Variants in ADAM12 observed in about 807,000 individuals in gnomAD.
The protein encoded by ADAM12 is disintegrin and metalloproteinase domain-containing protein 12.
A neutral mutation model predicts 106.4 loss-of-function variants in ADAM12; 70 were observed. The observed-to-expected ratio is 0.66, with a 90% CI of 0.54 to 0.80. The LOEUF (loss-of-function observed/expected upper bound fraction) is 0.80. ADAM12 is among the 30% of genes least tolerant of loss of function. ADAM12 has a pLI of 0.00. For missense variants in ADAM12, 1,010 were observed against 1,171.9 expected (o/e 0.86, Z 2.02); for synonymous variants, 420 against 433.5 (o/e 0.97, Z 0.39).
intron 3 of ADAM12, among the ~76,000 whole-genome samples, chr10:126,194,601 C>T (rs1310890575): frequency 6.6e-6 from 1 of 152,272 alleles, no homozygotes; most frequent in South Asian, 2.1e-4. Flanking sequence ...ATGTGTATAA[C>T]ACACCAATCA....
intron 3 of ADAM12, among the ~76,000 whole-genome samples, chr10:126,182,610 G>C (rs1038775938): frequency 6.6e-6 from 1 of 152,200 alleles, no homozygotes; most frequent in Admixed American, 6.5e-5. Flanking sequence ...GAGAGAGAGA[G>C]AGCCTGTGCC....
intron 4 of ADAM12, among the ~76,000 whole-genome samples, chr10:126,144,389 G>A (rs1006080225): frequency 1.3e-5 from 2 of 152,152 alleles, no homozygotes; most frequent in Admixed American, 1.3e-4. Context: ...TCTGGAATAC[G>A]AACATAAATA....
rs565732026 is a variant in ADAM12, at chr10:126,363,044, G to T, written c.88+25014C>A. The stretch of plus-strand genomic sequence containing the variant: ...TTTATAAATCATAACATCAATTTGG[G>T]CCCCATATAATTTGTCAACTCATAA... On this transcript the variant is annotated intron_variant, in intron 1 of 22. Transcript: ENST00000448723. Among the ~76,000 whole-genome samples, 355 of 151,964 alleles carry T rather than the reference G, an allele frequency of 2.3e-3. 7 individuals are homozygous for T. In the South Asian group the frequency reaches 0.024, roughly 10 times the overall value.
chr10:126,224,791 G>T (rs1958160596), intron 3 of ADAM12, among the ~76,000 whole-genome samples: 1 of 152,246 alleles, frequency 6.6e-6, no homozygotes, highest in African/African-American at 2.4e-5. Context: ...AGCAGGAAGG[G>T]ACACAGGAGA....
At chr10:126,035,952 ACT>A (rs1331975991) in intron 21 of ADAM12, among the ~76,000 whole-genome samples, 192 bp downstream of exon 21, 6 of 140,136 alleles carry the variant, frequency 4.3e-5, no homozygotes, top group African/African-American at 1.5e-4. Context: ...AATATATGAC[ACT>A]CTTATTATTA....
intron 3 of ADAM12, among the ~76,000 whole-genome samples, chr10:126,162,682 A>G (rs950661869): frequency 1.3e-5 from 2 of 152,296 alleles, no homozygotes; most frequent in Admixed American, 1.3e-4. Context: ...GCGTCCATAC[A>G]GAGCACCAGG....
intron 4 of ADAM12, among the ~76,000 whole-genome samples, chr10:126,136,155 A>G (rs1956402621): frequency 1.3e-5 from 2 of 152,234 alleles, no homozygotes; most frequent in Non-Finnish European, 2.9e-5. Flanking sequence ...GAATTACCCA[A>G]TTGAGAGCTG....
intron 2 of ADAM12, among the ~76,000 whole-genome samples, chr10:126,296,023 G>C (rs747705969): frequency 2.6e-4 from 39 of 152,096 alleles, no homozygotes; most frequent in Admixed American, 5.2e-4. Flanking sequence ...GTTCTGGCAG[G>C]AACAGTCCAT....
At chr10:126,197,600 A>G (rs1469870938) in intron 3 of ADAM12, among the ~76,000 whole-genome samples, 1 of 152,242 alleles carries the variant, frequency 6.6e-6, no homozygotes, top group East Asian at 1.9e-4. Context: ...TGGGAACTAA[A>G]TGACTGATTT....
chr10:126,313,429 C>T (rs1413193705), intron 2 of ADAM12, among the ~76,000 whole-genome samples: 1 of 152,152 alleles, frequency 6.6e-6, no homozygotes, highest in Non-Finnish European at 1.5e-5. Context: ...TATCACAAAG[C>T]CCTTGAATTT....
chr10:126,225,480 G>A (rs958204593), intron 3 of ADAM12, among the ~76,000 whole-genome samples: 1 of 152,188 alleles, frequency 6.6e-6, no homozygotes, highest in African/African-American at 2.4e-5. Context: ...CAGAGCTTCC[G>A]TCATCCATGC....
At chr10:126,203,912 G>T (rs2133824243) in intron 3 of ADAM12, among the ~76,000 whole-genome samples, 1 of 148,632 alleles carries the variant, frequency 6.7e-6, no homozygotes, top group Non-Finnish European at 1.5e-5. Context: ...GAGAAATCAA[G>T]CAAATCAGAG....
At chr10:126,089,067 T>C (rs1476496164) in intron 11 of ADAM12, among the ~76,000 whole-genome samples, 1 of 152,062 alleles carries the variant, frequency 6.6e-6, no homozygotes, top group Non-Finnish European at 1.5e-5. Flanking sequence ...CAACTCCCAG[T>C]TGGCAGCTGG....
chr10:126,050,683 T>G (rs925691877), intron 14 of ADAM12, among the ~76,000 whole-genome samples: 1 of 152,204 alleles, frequency 6.6e-6, no homozygotes, highest in Non-Finnish European at 1.5e-5. Context: ...ACAGAAGATG[T>G]TCTTCTTACT....
At chr10:126,142,743 C>G (rs1956536483) in intron 4 of ADAM12, among the ~76,000 whole-genome samples, 1 of 152,226 alleles carries the variant, frequency 6.6e-6, no homozygotes, top group Non-Finnish European at 1.5e-5. Flanking sequence ...TACAGTGTCA[C>G]TCATGGCATC....
chr10:126,226,763 C>T (rs899406397), intron 3 of ADAM12, among the ~76,000 whole-genome samples: 7 of 152,032 alleles, frequency 4.6e-5, no homozygotes, highest in East Asian at 1.9e-4. Flanking sequence ...ATTTACTGAG[C>T]GATTACTATG....
chr10:126,040,631 G>A (rs945993568), intron 18 of ADAM12, among the ~76,000 whole-genome samples: 1 of 152,182 alleles, frequency 6.6e-6, no homozygotes, highest in Admixed American at 6.5e-5. Context: ...TGGGCAAAAT[G>A]TCACTCTTTT....
At position 126,066,584 on chromosome 10, in the gene ADAM12, T is replaced by G; in HGVS notation, c.1413+133A>C. On this transcript the variant is annotated intron_variant, in intron 13 of 22. Coordinates refer to ENST00000448723, the MANE Select transcript of ADAM12 (RefSeq NM_001288973.2). This position sits in a 1 kb window ranked among gnomAD's most constrained non-coding sequence, Gnocchi z 5.1. ...AAGAGGTGGGTAACACCAACTGGCG[T>G]GAGAAGGAGGGATGGTGCGTGCTGT... 6.4e-6 allele frequency: 5 copies of G among 782,294 alleles called. No homozygotes were observed. The highest frequency in any genetic ancestry group is 8.5e-6 in the Non-Finnish European group (4 of 470,392). The allele number at this position is 782,294 out of a possible 1,614,324, so 48.5% of individuals were successfully genotyped here.
At chr10:126,108,776 T>C in intron 7 of ADAM12, 112 bp from the exon 8 acceptor site, 1 of 918,348 alleles carries the variant, frequency 1.1e-6, no homozygotes, top group Non-Finnish European at 1.7e-6. Context: ...CTGGGGACCC[T>C]CCACAGTTCA....
Sources: allele counts gnomAD v4.1 joint callset (sites outside exome capture counted in the v4.1 genomes callset), GRCh38; gene constraint gnomAD v4.1.1; non-coding constraint Gnocchi (gnomAD v3.1); transcripts MANE v1.5; gene names NCBI Gene and HGNC (gene_info 2026-07-23, HGNC 2026-07-21).